The following PRKCH variants were observed in gnomAD, a reference collection of about 807,000 sequenced individuals.
PRKCH encodes the protein protein kinase C eta type.
A neutral mutation model predicts 82.5 loss-of-function variants in PRKCH; 28 were observed. That is an observed-to-expected ratio of 0.34 (90% CI 0.25 to 0.47). The LOEUF is 0.47. Among genes scored for constraint, PRKCH ranks in the 20% least tolerant of loss-of-function variants. The pLI is 1.00. For synonymous variants in PRKCH, 322 were observed against 327.4 expected (o/e 0.98, Z 0.18); for missense variants, 705 against 881.8 (o/e 0.80, Z 2.54).
At chr14:61,491,189 A>G (rs1357572423) in intron 10 of PRKCH, among the ~76,000 whole-genome samples, 4 of 152,198 alleles carry the variant, frequency 2.6e-5, no homozygotes, top group Admixed American at 6.5e-5. Flanking sequence ...TTCTGTATTT[A>G]TATTCATTCT....
intron 12 of PRKCH, among the ~76,000 whole-genome samples, chr14:61,541,153 C>G (rs940426044): frequency 1.6e-4 from 24 of 152,242 alleles, no homozygotes; most frequent in Non-Finnish European, 8.8e-5. Context: ...GCTGCTAGCA[C>G]GGGGTGTCTC....
At chr14:61,363,100 G>A (rs1254129308) in intron 1 of PRKCH, among the ~76,000 whole-genome samples, 3 of 152,206 alleles carry the variant, frequency 2.0e-5, no homozygotes, top group African/African-American at 4.8e-5. Context: ...TAAACAGTCT[G>A]TGTATGCTTG....
At chr14:61,381,013 C>A (rs906563030) in intron 1 of PRKCH, among the ~76,000 whole-genome samples, 2 of 152,068 alleles carry the variant, frequency 1.3e-5, no homozygotes, top group African/African-American at 4.8e-5. Flanking sequence ...ATATTGCGAG[C>A]CATAAGGATG....
chr14:61,433,905 A>T (rs776321193), intron 2 of PRKCH, among the ~76,000 whole-genome samples: 1 of 152,250 alleles, frequency 6.6e-6, no homozygotes, highest in African/African-American at 2.4e-5. Flanking sequence ...ATTTTTAAAA[A>T]GAAACTCTTC....
At position 61,351,788 on chromosome 14, in the gene PRKCH, C is replaced by T. The variant is rs1420711204; in HGVS notation, c.363+29324C>T. ...TGGCTTCTGTTGAGGAAAAAGTGAC[C>T]CAAATTTGAACATCCAACTTCAATT... On this transcript the variant is annotated intron_variant, in intron 1 of 13. Coordinates refer to ENST00000332981, the MANE Select transcript of PRKCH (RefSeq NM_006255.5). 2.0e-5 allele frequency among the ~76,000 whole-genome samples: 3 copies of T among 152,008 alleles called. No homozygotes were observed. In the East Asian group the frequency reaches 5.8e-4, roughly 29 times the overall value.
At chr14:61,480,661 T>C (rs1885930768) in intron 9 of PRKCH, among the ~76,000 whole-genome samples, 1 of 152,176 alleles carries the variant, frequency 6.6e-6, no homozygotes, top group South Asian at 2.1e-4. Flanking sequence ...GGCTTATAAT[T>C]CTAGTAGAGA....
chr14:61,517,084 T>C (rs1279455400), intron 10 of PRKCH, among the ~76,000 whole-genome samples: 1 of 152,134 alleles, frequency 6.6e-6, no homozygotes, highest in Non-Finnish European at 1.5e-5. Flanking sequence ...CTGATTCTAG[T>C]GGGCAGGCTG....
At chr14:61,449,367 C>G (rs927693568) in intron 5 of PRKCH, 115 bp downstream of exon 5, 3 of 864,358 alleles carry the variant, frequency 3.5e-6, no homozygotes, top group Non-Finnish European at 5.5e-6. Context: ...CTCCCCGTCC[C>G]CAAACCTCTG....
chr14:61,475,584 T>C (rs1006113372), intron 9 of PRKCH, among the ~76,000 whole-genome samples: 1 of 152,224 alleles, frequency 6.6e-6, no homozygotes, highest in African/African-American at 2.4e-5. Context: ...TGTGTCCTTT[T>C]ATTTTCATTA....
At chr14:61,343,521 T>C (rs532563748) in intron 1 of PRKCH, among the ~76,000 whole-genome samples, 1 of 152,316 alleles carries the variant, frequency 6.6e-6, no homozygotes, top group African/African-American at 2.4e-5. Context: ...GGAGCTGTGA[T>C]AGAACCAGGA....
chr14:61,528,955 C>CGGCCGCATGT (rs2043007099), intron 10 of PRKCH, 120 bp from the exon 11 acceptor site: 1 of 921,110 alleles, frequency 1.1e-6, no homozygotes, highest in African/African-American at 2.0e-5. Flanking sequence ...GAAGCTCATG[C>CGGCCGCATGT]GGCCGCATGT....
At chr14:61,491,219 A>G (rs540761417) in intron 10 of PRKCH, among the ~76,000 whole-genome samples, 1 of 152,304 alleles carries the variant, frequency 6.6e-6, no homozygotes, top group South Asian at 2.1e-4. Context: ...AGTGAGGAAA[A>G]TCTTTTTAGA....
At chr14:61,428,876 G>A (rs533960119) in intron 2 of PRKCH, among the ~76,000 whole-genome samples, 31 of 152,006 alleles carry the variant, frequency 2.0e-4, no homozygotes, top group African/African-American at 7.3e-4. Flanking sequence ...CTTTTACTCT[G>A]TCTCTTTAAA....
chr14:61,475,648 T>C lies in PRKCH; in HGVS notation c.1279-9854T>C, dbSNP rs193076322. On this transcript the variant is annotated intron_variant, in intron 9 of 13. Coordinates refer to ENST00000332981, the MANE Select transcript of PRKCH (RefSeq NM_006255.5). ...GACTTCATAGAACTGGCATCGGGAA[T>C]AGCATGCAACTGTTAAAAAAATCAT... Among the ~76,000 whole-genome samples, 365 of 152,362 alleles carry C rather than the reference T, an allele frequency of 2.4e-3. 3 individuals carry two copies. The highest frequency in any genetic ancestry group is 3.6e-3 in the Non-Finnish European group (247 of 68,032).
chr14:61,227,937 C>A (rs2044710602), intron 1 of PRKCH, among the ~76,000 whole-genome samples: 1 of 152,076 alleles, frequency 6.6e-6, no homozygotes, highest in Non-Finnish European at 1.5e-5. Context: ...TTTGCTTCTA[C>A]CCTAAGTGTG....
At chr14:61,450,641 T>C (rs1884461874) in intron 5 of PRKCH, among the ~76,000 whole-genome samples, 1 of 152,226 alleles carries the variant, frequency 6.6e-6, no homozygotes, top group Non-Finnish European at 1.5e-5. Context: ...CCCACATTTC[T>C]GTCTTGTCCT....
At chr14:61,469,869 C>T (rs1355389014) in intron 9 of PRKCH, among the ~76,000 whole-genome samples, 4 of 152,068 alleles carry the variant, frequency 2.6e-5, no homozygotes, top group African/African-American at 7.2e-5. Flanking sequence ...TGAGTGCTTG[C>T]AAGGCATAGG....
chr14:61,512,488 G>C (rs1887423413), intron 10 of PRKCH, among the ~76,000 whole-genome samples: 1 of 151,976 alleles, frequency 6.6e-6, no homozygotes, highest in African/African-American at 2.4e-5. Context: ...CCATATGATG[G>C]GAATTGCATT....
At chr14:61,444,965 G>C (rs1333807079) in intron 3 of PRKCH, among the ~76,000 whole-genome samples, 1 of 152,192 alleles carries the variant, frequency 6.6e-6, no homozygotes, top group Non-Finnish European at 1.5e-5. Context: ...TTCAGAGTCT[G>C]TGCTCTTAAC....
Sources: gnomAD v4.1 joint callset for allele counts (sites outside exome capture counted in the v4.1 genomes callset) on GRCh38, gnomAD v4.1.1 for gene constraint, MANE v1.5 for transcripts, NCBI Gene and HGNC (gene_info 2026-07-23, HGNC 2026-07-21) for gene names.